The following ZFAT variants were observed in gnomAD, a reference collection of about 807,000 sequenced individuals.
ZFAT encodes zinc finger protein ZFAT.
ZFAT carries 64 observed loss-of-function variants against 117.7 expected under a neutral mutation model. The observed-to-expected ratio is 0.54, with a 90% CI of 0.44 to 0.67. The LOEUF is 0.67. Among genes scored for constraint, ZFAT ranks in the 30% least tolerant of loss-of-function variants. The pLI, the probability that ZFAT is intolerant of heterozygous loss-of-function variation, is 0.00. For synonymous variants in ZFAT, 679 were observed against 615.0 expected, an observed-to-expected ratio of 1.10 and a Z score of -1.54; for missense variants, 1,433 against 1,584.5, an observed-to-expected ratio of 0.90 and a Z score of 1.62.
intron 2 of ZFAT, among the ~76,000 whole-genome samples, chr8:134,645,331 T>C (rs1830822064): frequency 2.6e-5 from 4 of 152,184 alleles, no homozygotes; most frequent in African/African-American, 9.7e-5. Flanking sequence ...TCTACAAGCC[T>C]CAAATTTTAT....
At chr8:134,511,291 G>T (rs1819823180) in intron 14 of ZFAT, among the ~76,000 whole-genome samples, 1 of 152,158 alleles carries the variant, frequency 6.6e-6, no homozygotes, top group Non-Finnish European at 1.5e-5. Flanking sequence ...AGACAGACAG[G>T]CTGCATCTTG....
At chr8:134,696,596 A>G (rs6991621) in intron 1 of ZFAT, 880,953 of 986,198 alleles carry the variant, frequency 0.89, 393,857 homozygotes, top group African/African-American at 0.91. Flanking sequence ...CCTGGCTGGC[A>G]CCACCCACCC....
intron 1 of ZFAT, among the ~76,000 whole-genome samples, chr8:134,674,552 G>A (rs1293849483): frequency 1.3e-5 from 2 of 152,238 alleles, no homozygotes; most frequent in Non-Finnish European, 2.9e-5. Context: ...GGCAGCTGTG[G>A]GTGGAGCCTC....
the ZFAT span, among the ~76,000 whole-genome samples, chr8:134,822,493 C>G: frequency 1.3e-5 from 2 of 152,042 alleles, no homozygotes; most frequent in Non-Finnish European, 2.9e-5. Flanking sequence ...ATAAAAAACA[C>G]TAAAATTTAT....
chr8:134,572,673 C>T (rs1825009607), intron 10 of ZFAT, among the ~76,000 whole-genome samples: 1 of 152,164 alleles, frequency 6.6e-6, no homozygotes, highest in East Asian at 1.9e-4. Context: ...TTTCTGTAAG[C>T]AGTCAAATGT....
chr8:134,533,630 C>T lies in ZFAT; in HGVS notation c.2977-658G>A, dbSNP rs114214205. Among the ~76,000 whole-genome samples, 1,229 of 152,342 alleles carry T rather than the reference C, an allele frequency of 8.1e-3. 24 individuals carry two copies. The highest frequency in any genetic ancestry group is 0.028 in the African/African-American group (1,172 of 41,570). On this transcript the variant is annotated intron_variant, in intron 11 of 15. Transcript: ENST00000377838. ...GTATTTGCCTGCAAGCACTGGCATA[C>T]ACAAGTGTCAACCATCAGGGAAGTC...
chr8:134,602,653 AGTG>A lies in ZFAT; in HGVS notation c.1063_1065del (p.His355del). 1 of 1,614,182 alleles carries A rather than the reference AGTG, an allele frequency of 6.2e-7. No homozygotes were observed. The highest frequency in any genetic ancestry group is 8.5e-7 in the Non-Finnish European group (1 of 1,180,036). On this transcript the variant is annotated inframe_deletion, in exon 6 of 16. Coordinates refer to ENST00000377838, the MANE Select transcript of ZFAT (RefSeq NM_020863.4). The stretch of plus-strand genomic sequence containing the variant: ...GAGTACTTCTTCTTGCAGAAGCGGC[AGTG>A]CTGCTTGATCTTCTTGTGCACTCGC...
chr8:134,550,956 T>C (rs908096590), intron 11 of ZFAT, among the ~76,000 whole-genome samples: 1 of 152,172 alleles, frequency 6.6e-6, no homozygotes, highest in Non-Finnish European at 1.5e-5. Flanking sequence ...ACAGAAACTC[T>C]ATGCTTTACT....
At chr8:134,604,071 T>C (rs921927258) in intron 5 of ZFAT, among the ~76,000 whole-genome samples, 1 of 152,264 alleles carries the variant, frequency 6.6e-6, no homozygotes, top group Admixed American at 6.5e-5. Context: ...AACAAAAGCA[T>C]GGTCTGCCTG....
chr8:134,720,490 C>T, the ZFAT span, among the ~76,000 whole-genome samples: 2 of 152,070 alleles, frequency 1.3e-5, no homozygotes, highest in Admixed American at 1.3e-4. Context: ...AGTCTTTCAA[C>T]CAAAGAAAGT....
chr8:134,530,937 C>G (rs1051557650), intron 12 of ZFAT, among the ~76,000 whole-genome samples: 4 of 152,080 alleles, frequency 2.6e-5, no homozygotes, highest in Admixed American at 2.6e-4. Context: ...TGGACTTGAG[C>G]CATCTGTGGA....
chr8:134,578,997 A>C (rs1194973960), intron 10 of ZFAT, among the ~76,000 whole-genome samples: 1 of 152,248 alleles, frequency 6.6e-6, no homozygotes, highest in Non-Finnish European at 1.5e-5. Context: ...CGTAAAAATA[A>C]AAACTACAAA....
chr8:134,804,481 GGGT>G, the ZFAT span, among the ~76,000 whole-genome samples: 1 of 152,098 alleles, frequency 6.6e-6, no homozygotes, highest in Admixed American at 6.5e-5. Flanking sequence ...GCATACTGCT[GGGT>G]GGTAGTGATG....
chr8:134,628,067 C>T (rs1306522381), intron 3 of ZFAT, among the ~76,000 whole-genome samples: 1 of 152,106 alleles, frequency 6.6e-6, no homozygotes, highest in Non-Finnish European at 1.5e-5. Context: ...GACTCTGGAG[C>T]TGGGCCTGGA....
the ZFAT span, among the ~76,000 whole-genome samples, chr8:134,782,779 A>T: frequency 7.6e-6 from 1 of 131,678 alleles, no homozygotes; most frequent in Non-Finnish European, 1.5e-5. Flanking sequence ...AGTCCATTAA[A>T]CCTCTTTTTC....
At chr8:134,719,591 G>A in the ZFAT span, among the ~76,000 whole-genome samples, 1 of 152,200 alleles carries the variant, frequency 6.6e-6, no homozygotes, top group Non-Finnish European at 1.5e-5. Context: ...CTGGTGGGGA[G>A]TGGCAATGAC....
In ZFAT at chr8:134,478,560, C is replaced by T. The variant is rs1028270338; in HGVS notation, c.3654G>A (p.Ser1218=). The change falls in exon 16 of 16, where the codon TCG becomes TCA. Residue 1218 remains serine, a synonymous_variant. Transcript: ENST00000377838. This position sits in a 1 kb window ranked among gnomAD's most constrained non-coding sequence, Gnocchi z 5.2. ...CCTCCTGCACGTAGACGATGAACTC[C>T]GAGGCCTCCCCGCCCTGCGTGTAGA... The part of the protein sequence containing the change: ...VTVYTQGGEA[S]EFIVYVQEAM... The T allele has an allele frequency of 1.0e-5, 16 of 1,594,612 alleles. No individual in the cohort carries two copies. Among genetic ancestry groups the T allele is most frequent in the African/African-American group, 4.0e-5 (3 of 74,418 alleles).
chr8:134,791,256 T>G, the ZFAT span, among the ~76,000 whole-genome samples: 8 of 152,346 alleles, frequency 5.3e-5, no homozygotes, highest in South Asian at 1.7e-3. Context: ...GACAACTTTG[T>G]AGCTTCCCTG....
chr8:134,759,034 T>C, the ZFAT span, among the ~76,000 whole-genome samples: 1 of 152,164 alleles, frequency 6.6e-6, no homozygotes, highest in Non-Finnish European at 1.5e-5. Flanking sequence ...GGACTGACTA[T>C]TGGAGTGACA....
Sources: gnomAD v4.1 joint callset for allele counts (sites outside exome capture counted in the v4.1 genomes callset) on GRCh38, gnomAD v4.1.1 for gene constraint, Gnocchi (gnomAD v3.1) non-coding constraint, MANE v1.5 for transcripts, NCBI Gene and HGNC (gene_info 2026-07-23, HGNC 2026-07-21) for gene names.